CARD9: variants seen among roughly 807,000 people sequenced by gnomAD.
CARD9 encodes the protein caspase recruitment domain-containing protein 9.
CARD9 carries 53 observed loss-of-function variants against 66.0 expected under a neutral mutation model. The ratio of observed to expected loss-of-function variants is 0.80; its 90% confidence interval spans 0.64 to 1.01. The LOEUF (loss-of-function observed/expected upper bound fraction) is 1.01. Ranked by LOEUF, CARD9 falls within the 50% of genes least tolerant of loss-of-function variation. The probability of loss-of-function intolerance (pLI) is 0.00; values close to 1 mark genes in which losing one functional copy is unlikely to be tolerated. For synonymous variants in CARD9, 387 were observed against 313.8 expected (o/e 1.23, Z -2.47); for missense variants, 769 against 743.2 (o/e 1.03, Z -0.40).
chr9:136,369,668 C>CT lies in CARD9; in HGVS notation c.1077+81dup, dbSNP rs2131441580. Reference sequence around the variant, plus strand: ...ACAAATAACAAAGATTAAAAATCCTCTGACAACTGCCCTCAAGGGCCGTGG... The same window carrying CT: ...ACAAATAACAAAGATTAAAAATCCTCTTGACAACTGCCCTCAAGGGCCGTGG... On this transcript the variant is annotated intron_variant, in intron 7 of 12. Transcript: ENST00000371732. 2.6e-6 allele frequency: 4 copies of CT among 1,534,600 alleles called. No individual in the cohort carries two copies. The East Asian group carries it at 7.3e-5, about 28-fold the overall frequency.
Position 136,364,545 on chromosome 9 carries a change from G to C in CARD9, c.1449C>G (p.Ser483Arg). 1 of 1,538,792 alleles carries C rather than the reference G, an allele frequency of 6.5e-7. No individual in the cohort carries two copies. The change falls in exon 12 of 13, where the codon AGC (serine) becomes AGG (arginine). Residue 483 changes from serine to arginine, a missense_variant. Ser to Arg is a moderately radical substitution (Grantham distance 110). Transcript: ENST00000371732. ...VLRNPHDAGL[S>R]SGEPPEKERR... is the part of the protein sequence containing the mutation. ...GCTCCTTCTCGGGCGGCTCCCCGCT[G>C]CTCAGGCCTGCGTCCTGGAGAAGGG...
At chr9:136,371,689 T>C (rs930511456) in intron 2 of CARD9, among the ~76,000 whole-genome samples, 1 of 152,012 alleles carries the variant, frequency 6.6e-6, no homozygotes, top group African/African-American at 2.4e-5. Context: ...GGAGCCCCGC[T>C]GCCCCTCTTG....
At chr9:136,371,280 C>A in intron 3 of CARD9, 44 bp downstream of exon 3, 1 of 1,582,984 alleles carries the variant, frequency 6.3e-7, no homozygotes, top group South Asian at 1.1e-5. Context: ...TGCCCGCTCC[C>A]CGCCAGCGCC....
chr9:136,366,719 G>C (rs532217337), intron 10 of CARD9, 81 bp downstream of exon 10: 2 of 1,464,944 alleles, frequency 1.4e-6, no homozygotes, highest in Non-Finnish European at 1.9e-6. Flanking sequence ...CAGGCATTGC[G>C]GCACGGGCTG....
intron 6 of CARD9, 129 bp from the exon 7 acceptor site, chr9:136,370,004 TC>T (rs1191866743): frequency 5.9e-5 from 89 of 1,514,076 alleles, no homozygotes; most frequent in Admixed American, 2.1e-4. Flanking sequence ...GCCATAGGAG[TC>T]CCCAGGCCCC....
intron 9 of CARD9, 109 bp from the exon 10 acceptor site, chr9:136,366,954 C>T (rs1490545740): frequency 8.5e-6 from 11 of 1,298,998 alleles, no homozygotes; most frequent in African/African-American, 1.5e-5. Flanking sequence ...CCATTGCCGT[C>T]ACCCCCTGCA....
rs1028563115 is a variant in CARD9 at position 136,371,824 on chromosome 9, G to A, written c.184+71C>T. On this transcript the variant is annotated intron_variant, in intron 2 of 12. Transcript: ENST00000371732. Reference sequence around the variant, plus strand: ...CCTGGGGTTGAGGGTCAGGGTGGCAGAGCGTGCAGCCACCTCCGAGCTGAC... The same window carrying A: ...CCTGGGGTTGAGGGTCAGGGTGGCAAAGCGTGCAGCCACCTCCGAGCTGAC... 9.7e-6 allele frequency: 15 copies of A among 1,545,778 alleles called. No homozygotes were observed. In the East Asian group the frequency reaches 2.5e-4, roughly 26 times the overall value.
At chr9:136,368,854 C>T (rs1833189269) in intron 7 of CARD9, among the ~76,000 whole-genome samples, 1 of 151,872 alleles carries the variant, frequency 6.6e-6, no homozygotes, top group African/African-American at 2.4e-5. Flanking sequence ...GAGTCTCGCT[C>T]TGTCACCCAG....
intron 1 of CARD9, among the ~76,000 whole-genome samples, chr9:136,373,026 C>T (rs550593874): frequency 2.4e-4 from 36 of 152,216 alleles, no homozygotes; most frequent in Non-Finnish European, 4.9e-4. Context: ...GGGCCTCAGC[C>T]GCTGAAAGCC....
chr9:136,370,125 G>A (rs978263973), intron 6 of CARD9, 169 bp downstream of exon 6: 126 of 1,423,788 alleles, frequency 8.8e-5, no homozygotes, highest in Non-Finnish European at 7.6e-5. Flanking sequence ...GCCATGGGGG[G>A]CAGGCGGGCA....
At chr9:136,372,630 G>A (rs1833302844) in intron 1 of CARD9, among the ~76,000 whole-genome samples, 1 of 152,224 alleles carries the variant, frequency 6.6e-6, no homozygotes, top group Admixed American at 6.5e-5. Context: ...CGGTTCTTGT[G>A]GGACTTCCTC....
Position 136,369,838 on chromosome 9 carries a change from A to G in CARD9, c.989T>C (p.Leu330Pro). The G allele has an allele frequency of 6.2e-7, 1 of 1,612,890 alleles. No individual in the cohort carries two copies. Among genetic ancestry groups the G allele is most frequent in the African/African-American group, 1.3e-5 (1 of 75,056 alleles). ...EEKEMFELQC[L>P]ALRKDSKMYK... ...CATCTTGGAGTCCTTACGTAGTGCC[A>G]GGCACTGCAGCTCGAACATCTCCTT... The change falls in exon 7 of 13, where the codon CTG becomes CCG. Residue 330 changes from leucine (L) to proline (P), a missense_variant. Coordinates refer to ENST00000371732, the MANE Select transcript of CARD9 (RefSeq NM_052813.5).
chr9:136,373,361 AAT>A (rs1242615328), intron 1 of CARD9, among the ~76,000 whole-genome samples, 169 bp downstream of exon 1: 1 of 152,196 alleles, frequency 6.6e-6, no homozygotes, highest in Non-Finnish European at 1.5e-5. Flanking sequence ...ATTCCACTGA[AAT>A]GAACACATCT....
At chr9:136,365,266 G>C (rs375731237) in intron 10 of CARD9, 49 bp from the exon 11 acceptor site, 24 of 1,563,548 alleles carry the variant, frequency 1.5e-5, no homozygotes, top group Middle Eastern at 1.7e-4. Context: ...GCTGGGCCAC[G>C]TATAGCACGG....
chr9:136,364,896 GA>G (rs1833082785), intron 11 of CARD9: 1 of 596,890 alleles, frequency 1.7e-6, no homozygotes. Context: ...AAGGCCCTCG[GA>G]AAACCAGGAC....
chr9:136,370,177 T>C (rs1280534639), intron 6 of CARD9, 117 bp downstream of exon 6: 16 of 1,494,898 alleles, frequency 1.1e-5, no homozygotes, highest in Non-Finnish European at 1.4e-5. Context: ...AGTGGGTGAG[T>C]GGAGGCGCTG....
intron 5 of CARD9, 21 bp downstream of exon 5, chr9:136,370,501 C>T: frequency 1.2e-6 from 2 of 1,601,920 alleles, no homozygotes; most frequent in Non-Finnish European, 1.7e-6. Context: ...TGGGCTGCAC[C>T]TGCCCTGCCT....
intron 1 of CARD9, among the ~76,000 whole-genome samples, chr9:136,372,956 T>C (rs1833310546): frequency 6.6e-6 from 1 of 152,218 alleles, no homozygotes; most frequent in South Asian, 2.1e-4. Flanking sequence ...TCCCAGTGGC[T>C]GCAACAGAAC....
At position 136,373,644 on chromosome 9, in the gene CARD9, T is replaced by C; in HGVS notation, c.-129A>G. The C allele has an allele frequency of 1.1e-6, 1 of 911,998 alleles. No homozygotes were observed. The highest frequency in any genetic ancestry group is 1.3e-6 in the Non-Finnish European group (1 of 763,030). The allele number at this position is 911,998 out of a possible 1,614,324, so 56.5% of individuals were successfully genotyped here. ...GGGAGGGAGGAGCACGCCGGACGCCTGTGCACTTCCTGATGGGTTCTGCTT... is the reference window on the plus strand; with the variant it reads ...GGGAGGGAGGAGCACGCCGGACGCCCGTGCACTTCCTGATGGGTTCTGCTT... On this transcript the variant is annotated 5_prime_UTR_variant, in exon 1 of 13. Transcript: ENST00000371732.
Sources: allele counts gnomAD v4.1 joint callset (sites outside exome capture counted in the v4.1 genomes callset), GRCh38; gene constraint gnomAD v4.1.1; transcripts MANE v1.5; gene names NCBI Gene and HGNC (gene_info 2026-07-23, HGNC 2026-07-21).